ZNF469: variants seen among roughly 807,000 people sequenced by gnomAD.
ZNF469 encodes zinc finger protein 469.
ZNF469 carries 1 observed loss-of-function variant against 1.0 expected under a neutral mutation model. That is an observed-to-expected ratio of 1.00 (90% CI 0.35 to 4.73). The LOEUF is 4.73. Among genes scored for constraint, ZNF469 ranks in the 30% most tolerant of loss-of-function variants. The pLI, the probability that ZNF469 is intolerant of heterozygous loss-of-function variation, is 0.16. For missense variants in ZNF469, 6,100 were observed against 5,356.3 expected, an observed-to-expected ratio of 1.14 and a Z score of -4.33; for synonymous variants, 2,703 against 2,363.4, an observed-to-expected ratio of 1.14 and a Z score of -4.17.
At chr16:88,122,664 A>C in the ZNF469 span, among the ~76,000 whole-genome samples, 1 of 152,026 alleles carries the variant, frequency 6.6e-6, no homozygotes, top group Non-Finnish European at 1.5e-5. Flanking sequence ...AAAGGCAAAC[A>C]CAGTCAGTTT....
rs1202541375 is a variant in ZNF469, at chr16:88,437,604, G to A, written c.10134G>A (p.Gly3378=). Residue 3378 remains glycine (G), a synonymous_variant, in exon 3 of 3, where the codon GGG becomes GGA. Transcript: ENST00000565624. ...PRCPRVYPEH[G]ELLAHLGGAH... The stretch of plus-strand genomic sequence containing the variant: ...GCCCCCGGGTCTACCCCGAGCACGG[G>A]GAGCTGCTGGCACACCTGGGCGGGG... The A allele has an allele frequency of 4.0e-5, 61 of 1,537,392 alleles. No homozygotes were observed. Among genetic ancestry groups the A allele is most frequent in the Non-Finnish European group, 5.0e-5 (57 of 1,137,452 alleles).
the ZNF469 span, among the ~76,000 whole-genome samples, chr16:88,108,308 C>G: frequency 3.3e-5 from 5 of 152,104 alleles, no homozygotes; most frequent in Non-Finnish European, 5.9e-5. Context: ...GAGCCCTGCA[C>G]CGTCACACTG....
the ZNF469 span, among the ~76,000 whole-genome samples, chr16:88,163,567 T>C: frequency 6.8e-6 from 1 of 148,070 alleles, no homozygotes; most frequent in Non-Finnish European, 1.5e-5. Flanking sequence ...AGTGGGTGAG[T>C]GGATGAATAG....
the ZNF469 span, among the ~76,000 whole-genome samples, chr16:88,124,592 G>GT: frequency 4.6e-5 from 7 of 151,504 alleles, no homozygotes; most frequent in East Asian, 1.9e-4. Flanking sequence ...TTTGTTTTTG[G>GT]TTTTTTTTTG....
intron 1 of ZNF469, among the ~76,000 whole-genome samples, chr16:88,392,028 A>G (rs964994556): frequency 2.0e-5 from 3 of 152,262 alleles, no homozygotes; most frequent in Admixed American, 2.0e-4. Flanking sequence ...ATAACATCAT[A>G]CAATATCTTA....
the ZNF469 span, among the ~76,000 whole-genome samples, chr16:88,246,891 GTGAA>G: frequency 6.7e-6 from 1 of 148,834 alleles, no homozygotes; most frequent in Admixed American, 6.7e-5. Context: ...GAATGAGTGA[GTGAA>G]TGAGTGAATG....
At chr16:88,296,652 A>T in the ZNF469 span, among the ~76,000 whole-genome samples, 1 of 152,080 alleles carries the variant, frequency 6.6e-6, no homozygotes, top group African/African-American at 2.4e-5. Flanking sequence ...ACACACATGC[A>T]CAGACATGCT....
chr16:88,378,415 C>A (rs542229256), upstream of ZNF469, among the ~76,000 whole-genome samples: 2 of 152,312 alleles, frequency 1.3e-5, no homozygotes, highest in South Asian at 4.1e-4. Flanking sequence ...TGGAGAGGCC[C>A]CGTGATCGCT....
chr16:88,201,187 G>A, the ZNF469 span, among the ~76,000 whole-genome samples: 4 of 152,348 alleles, frequency 2.6e-5, no homozygotes, highest in Middle Eastern at 3.4e-3. The surrounding 1 kb of genome is among the most constrained non-coding windows in gnomAD (Gnocchi z 5.0). Flanking sequence ...TTTCCAGAAC[G>A]GGGCAGAAGG....
chr16:88,197,737 G>C, the ZNF469 span, among the ~76,000 whole-genome samples: 1 of 152,222 alleles, frequency 6.6e-6, no homozygotes, highest in Non-Finnish European at 1.5e-5. Context: ...GGCCCCCCCA[G>C]GGCCGGAAGG....
the ZNF469 span, among the ~76,000 whole-genome samples, chr16:88,169,858 G>A: frequency 6.6e-6 from 1 of 152,192 alleles, no homozygotes; most frequent in Non-Finnish European, 1.5e-5. This position sits in a 1 kb window ranked among gnomAD's most constrained non-coding sequence, Gnocchi z 6.1. Context: ...TCTGGCACAC[G>A]TGGGCCCACC....
At chr16:88,142,349 C>T in the ZNF469 span, among the ~76,000 whole-genome samples, 38 of 152,360 alleles carry the variant, frequency 2.5e-4, no homozygotes, top group African/African-American at 8.7e-4. Context: ...CCTCCTGGCC[C>T]TGGCCCTGCC....
In ZNF469 at chr16:88,430,960, G is replaced by T; in HGVS notation, c.3490G>T (p.Gly1164Cys). The T allele has an allele frequency of 6.5e-7, 1 of 1,536,080 alleles. No homozygotes were observed. The highest frequency in any genetic ancestry group is 1.2e-5 in the South Asian group (1 of 83,804). The change falls in exon 3 of 3, where the codon GGC becomes TGC. Residue 1164 changes from glycine (G) to cysteine (C), a missense_variant. By Grantham distance (159) the Gly-to-Cys change is radical. Transcript: ENST00000565624. ...CGAGGAGCCGGGCGGGTCTCGCCCG[G>T]GCCCCGGCAGGAGCCCTCAGGCCCG... is the stretch of plus-strand genomic sequence containing the variant. ...NPEEPGGSRP[G>C]PGRSPQARGP...
chr16:88,374,075 G>A, the ZNF469 span, among the ~76,000 whole-genome samples: 1 of 152,074 alleles, frequency 6.6e-6, no homozygotes, highest in South Asian at 2.1e-4. Context: ...CGTAGTGTGT[G>A]GTGAGGAATG....
the ZNF469 span, among the ~76,000 whole-genome samples, chr16:88,336,800 C>G: frequency 6.6e-6 from 1 of 152,252 alleles, no homozygotes; most frequent in Non-Finnish European, 1.5e-5. Flanking sequence ...ACCATCACCA[C>G]TATCTCATTC....
the ZNF469 span, among the ~76,000 whole-genome samples, chr16:88,118,271 C>T: frequency 1.3e-5 from 2 of 152,354 alleles, no homozygotes; most frequent in Middle Eastern, 3.4e-3. Flanking sequence ...TCTTGCCTCG[C>T]AGCTTTTAAA....
At chr16:88,287,744 A>G in the ZNF469 span, among the ~76,000 whole-genome samples, 1 of 151,954 alleles carries the variant, frequency 6.6e-6, no homozygotes, top group Non-Finnish European at 1.5e-5. Flanking sequence ...CTACTTCTTG[A>G]AGTTCTGTTT....
chr16:88,370,210 G>T, the ZNF469 span, among the ~76,000 whole-genome samples: 1 of 152,126 alleles, frequency 6.6e-6, no homozygotes, highest in Non-Finnish European at 1.5e-5. Flanking sequence ...GCACCTATTC[G>T]GCACAATTTC....
At chr16:88,378,553 C>A (rs189585104), upstream of ZNF469, among the ~76,000 whole-genome samples, 104 of 152,276 alleles carry the variant, frequency 6.8e-4, 1 homozygote, top group South Asian at 1.7e-3. Context: ...GGGCTTCCTG[C>A]CCCATAGGGA....
Sources: allele counts gnomAD v4.1 joint callset (sites outside exome capture counted in the v4.1 genomes callset), GRCh38; gene constraint gnomAD v4.1.1; non-coding constraint Gnocchi (gnomAD v3.1); transcripts MANE v1.5; gene names NCBI Gene and HGNC (gene_info 2026-07-23, HGNC 2026-07-21).